The following CDH18 variants were observed in gnomAD, a reference collection of about 807,000 sequenced individuals.
The protein encoded by CDH18 is cadherin-18.
Under a neutral mutation model 67.9 loss-of-function variants are expected in CDH18, and 31 were observed. The ratio of observed to expected loss-of-function variants is 0.46; its 90% confidence interval spans 0.34 to 0.62. The LOEUF is 0.62. Among genes scored for constraint, CDH18 ranks in the 20% least tolerant of loss-of-function variants. The probability of loss-of-function intolerance (pLI) is 0.01; values close to 1 mark genes in which losing one functional copy is unlikely to be tolerated. For missense variants in CDH18, 890 were observed against 975.5 expected, an observed-to-expected ratio of 0.91 and a Z score of 1.17; for synonymous variants, 362 against 347.2, an observed-to-expected ratio of 1.04 and a Z score of -0.48.
chr5:19,790,544 G>A (rs1203995931), intron 3 of CDH18, among the ~76,000 whole-genome samples: 1 of 152,140 alleles, frequency 6.6e-6, no homozygotes, highest in Non-Finnish European at 1.5e-5. Context: ...GTAACAGTAG[G>A]AGTGTCTATG....
chr5:19,929,919 G>A (rs1216406863), intron 2 of CDH18, among the ~76,000 whole-genome samples: 1 of 152,070 alleles, frequency 6.6e-6, no homozygotes, highest in Non-Finnish European at 1.5e-5. Context: ...GCTTTCTGCA[G>A]CAGGAAAAAC....
intron 1 of CDH18, among the ~76,000 whole-genome samples, chr5:20,291,713 T>G (rs928657704): frequency 6.6e-6 from 1 of 152,154 alleles, no homozygotes; most frequent in African/African-American, 2.4e-5. Context: ...AAGGTCAAAT[T>G]GAGTCATCAG....
chr5:19,960,602 T>TAC (rs1211297890), intron 2 of CDH18, among the ~76,000 whole-genome samples: 1 of 129,610 alleles, frequency 7.7e-6, no homozygotes, highest in Non-Finnish European at 1.5e-5. Flanking sequence ...TATATATATA[T>TAC]ACACACACGT....
At chr5:20,258,275 A>T (rs1744395159) in intron 1 of CDH18, among the ~76,000 whole-genome samples, 1 of 152,172 alleles carries the variant, frequency 6.6e-6, no homozygotes, top group Non-Finnish European at 1.5e-5. Flanking sequence ...TAAGAAAAAA[A>T]ATATGTAGAA....
chr5:20,433,802 A>T (rs945902781), intron 1 of CDH18, among the ~76,000 whole-genome samples: 1 of 152,106 alleles, frequency 6.6e-6, no homozygotes, highest in Non-Finnish European at 1.5e-5. Flanking sequence ...AAAAAGGGTT[A>T]TGGCTGAGAA....
chr5:19,832,461 G>A lies in CDH18; in HGVS notation c.228+6298C>T, dbSNP rs1673016518. Among the ~76,000 whole-genome samples the A allele has an allele frequency of 2.0e-5, 3 of 152,036 alleles. No homozygotes were observed. In the South Asian group the frequency reaches 6.2e-4, roughly 32 times the overall value. On this transcript the variant is annotated intron_variant, in intron 3 of 12. Coordinates refer to ENST00000382275, the MANE Select transcript of CDH18 (RefSeq NM_004934.5). Reference sequence around the variant, plus strand: ...TGACAAAATGTTTGCTGGCATTTCTGTGACAGGGAGGAATAGAAAAGATAC... The same window carrying A: ...TGACAAAATGTTTGCTGGCATTTCTATGACAGGGAGGAATAGAAAAGATAC...
In CDH18 at chr5:19,485,258, C is replaced by CTT. The variant is rs397884499; in HGVS notation, c.1631-1708_1631-1707dup. ...TTAAAAACTACATCAGCTGTCTATT[C>CTT]TTTTTTTTTTTTTTTTAGATGGCGT... On this transcript the variant is annotated intron_variant, in intron 11 of 12. Transcript: ENST00000382275. Among the ~76,000 whole-genome samples the CTT allele has an allele frequency of 7.7e-3, 1,064 of 137,424 alleles. 21 individuals carry two copies. The highest frequency in any genetic ancestry group is 0.027 in the African/African-American group (1,005 of 37,848). The allele number at this position is 137,424 out of a possible 152,430, so 90.2% of individuals were successfully genotyped here. A position where few individuals can be genotyped will look rare whatever the true frequency, so the allele number is the denominator to read the frequency against.
intron 8 of CDH18, among the ~76,000 whole-genome samples, chr5:19,547,209 CATGTGGAAAGG>C (rs1736485098): frequency 6.6e-6 from 1 of 152,144 alleles, no homozygotes; most frequent in Non-Finnish European, 1.5e-5. Context: ...GATGTCTTAT[CATGTGGAAAGG>C]ACAGCATCCT....
intron 5 of CDH18, among the ~76,000 whole-genome samples, chr5:19,704,769 T>C (rs1190640466): frequency 6.6e-6 from 1 of 152,082 alleles, no homozygotes; most frequent in African/African-American, 2.4e-5. Context: ...TCCAACATTT[T>C]CCCCCTGGAA....
At chr5:20,171,841 G>A (rs1018140394) in intron 2 of CDH18, among the ~76,000 whole-genome samples, 1 of 151,022 alleles carries the variant, frequency 6.6e-6, no homozygotes, top group Non-Finnish European at 1.5e-5. Flanking sequence ...AGGGTTTTCA[G>A]TTTTAGGTCT....
chr5:19,564,383 C>G (rs1472042112), intron 8 of CDH18, among the ~76,000 whole-genome samples: 1 of 152,140 alleles, frequency 6.6e-6, no homozygotes, highest in Non-Finnish European at 1.5e-5. Flanking sequence ...AACTTGGATA[C>G]AAGTTCAGCC....
intron 2 of CDH18, among the ~76,000 whole-genome samples, chr5:19,858,971 A>G (rs1011468551): frequency 1.3e-5 from 2 of 152,296 alleles, no homozygotes; most frequent in South Asian, 2.1e-4. Context: ...AAAATGAAAA[A>G]AAAACTATTT....
chr5:20,242,615 T>A (rs1324585950), intron 2 of CDH18, among the ~76,000 whole-genome samples: 1 of 117,916 alleles, frequency 8.5e-6, no homozygotes, highest in Admixed American at 8.7e-5. Context: ...AAAAAAAATA[T>A]ATATATATAT....
intron 1 of CDH18, among the ~76,000 whole-genome samples, chr5:20,533,127 T>C (rs1318313914): frequency 6.6e-6 from 1 of 152,008 alleles, no homozygotes; most frequent in Non-Finnish European, 1.5e-5. Flanking sequence ...GAATGCCATG[T>C]GGAGGTGAAG....
At chr5:20,215,251 G>A (rs934464852) in intron 2 of CDH18, among the ~76,000 whole-genome samples, 10 of 151,672 alleles carry the variant, frequency 6.6e-5, no homozygotes, top group African/African-American at 1.2e-4. Flanking sequence ...AGCAATACTC[G>A]AACAATTTGA....
chr5:19,482,690 T>C (rs893432112), intron 12 of CDH18, among the ~76,000 whole-genome samples: 1 of 152,176 alleles, frequency 6.6e-6, no homozygotes, highest in Non-Finnish European at 1.5e-5. Context: ...GTGAAATGCC[T>C]AGTGTAGTCA....
intron 1 of CDH18, among the ~76,000 whole-genome samples, chr5:20,267,180 T>G (rs1399759839): frequency 6.6e-6 from 1 of 152,242 alleles, no homozygotes; most frequent in Non-Finnish European, 1.5e-5. Context: ...TACCATTTCC[T>G]AAAAACGAGG....
At chr5:19,862,812 TA>T (rs1456448183) in intron 2 of CDH18, among the ~76,000 whole-genome samples, 1 of 152,218 alleles carries the variant, frequency 6.6e-6, no homozygotes. Flanking sequence ...AGTGGGATTT[TA>T]TTTTTTAAAT....
intron 2 of CDH18, among the ~76,000 whole-genome samples, chr5:20,130,247 G>C (rs1749158709): frequency 6.6e-6 from 1 of 151,816 alleles, no homozygotes; most frequent in East Asian, 1.9e-4. Flanking sequence ...CAGAGAGTGA[G>C]AGACAGACAT....
Sources: allele counts gnomAD v4.1 joint callset (sites outside exome capture counted in the v4.1 genomes callset), GRCh38; gene constraint gnomAD v4.1.1; transcripts MANE v1.5; gene names NCBI Gene and HGNC (gene_info 2026-07-23, HGNC 2026-07-21).